The following SETD5 variants were observed in gnomAD, a reference collection of about 807,000 sequenced individuals.
SETD5 encodes SET domain containing 5.
SETD5 carries 44 observed loss-of-function variants against 153.3 expected under a neutral mutation model. The ratio of observed to expected loss-of-function variants is 0.29; its 90% CI spans 0.23 to 0.37. The LOEUF (loss-of-function observed/expected upper bound fraction) is 0.37, where lower values mean the gene tolerates loss of function less well. Among genes scored for constraint, SETD5 ranks in the 10% least tolerant of loss-of-function variants. The pLI is 1.00. For missense variants in SETD5, 1,544 were observed against 1,768.0 expected (o/e 0.87, Z 2.27); for synonymous variants, 716 against 645.2 (o/e 1.11, Z -1.66).
chr3:9,464,758 G>C (rs1314921254), intron 18 of SETD5, 86 bp downstream of exon 18: 1 of 1,590,912 alleles, frequency 6.3e-7, no homozygotes. Context: ...CATTCCAAAT[G>C]TTTCTTTACT....
At chr3:9,418,531 C>G (rs2037887065) in intron 1 of SETD5, among the ~76,000 whole-genome samples, 1 of 152,078 alleles carries the variant, frequency 6.6e-6, no homozygotes, top group Non-Finnish European at 1.5e-5. Context: ...TACAGGACAT[C>G]CAGTCAGTAG....
chr3:9,424,197 G>A (rs1265083653), intron 1 of SETD5, among the ~76,000 whole-genome samples: 2 of 152,112 alleles, frequency 1.3e-5, no homozygotes, highest in East Asian at 3.9e-4. Flanking sequence ...TTTGAAGGAA[G>A]AGGAAAAATT....
chr3:9,400,093 G>C (rs886963739), intron 1 of SETD5, among the ~76,000 whole-genome samples: 1 of 152,202 alleles, frequency 6.6e-6, no homozygotes, highest in Non-Finnish European at 1.5e-5. Context: ...TGCTTTTCTG[G>C]GAATTTTCAC....
At chr3:9,465,935 T>G (rs575414389) in intron 18 of SETD5, among the ~76,000 whole-genome samples, 1 of 152,134 alleles carries the variant, frequency 6.6e-6, no homozygotes, top group Non-Finnish European at 1.5e-5. Flanking sequence ...GGCATAAGAT[T>G]ATAGGAATAG....
chr3:9,414,514 C>A (rs2037122363), intron 1 of SETD5, among the ~76,000 whole-genome samples: 1 of 152,118 alleles, frequency 6.6e-6, no homozygotes, highest in Non-Finnish European at 1.5e-5. Context: ...GAGCAGGGAT[C>A]TTGGTTTCCC....
In SETD5 at chr3:9,464,537, A is replaced by G. The variant is rs1429741185; in HGVS notation, c.2589A>G (p.Ser863=). 1.9e-6 allele frequency: 3 copies of G among 1,613,968 alleles called. No homozygotes were observed. Among genetic ancestry groups the G allele is most frequent in the Non-Finnish European group, 2.5e-6 (3 of 1,179,884 alleles). ...CACCACCCCCTCCCAATTCAGGCTCAAAGAGTCCCCAGCTGGCCACACCTG... is the reference window on the plus strand; with the variant it reads ...CACCACCCCCTCCCAATTCAGGCTCGAAGAGTCCCCAGCTGGCCACACCTG... ...PVTPPPPNSG[S]KSPQLATPGS... is the part of the protein sequence containing the mutation. The change falls in exon 18 of 23, where the codon TCA becomes TCG. Residue 863 remains serine (S), a synonymous_variant. Coordinates refer to ENST00000402198, the MANE Select transcript of SETD5 (RefSeq NM_001080517.3).
intron 17 of SETD5, among the ~76,000 whole-genome samples, chr3:9,455,824 C>G (rs896236472): frequency 1.1e-4 from 16 of 152,122 alleles, no homozygotes; most frequent in Admixed American, 3.3e-4. Context: ...TCTTTGTTAT[C>G]ACATGCCCTG....
intron 1 of SETD5, among the ~76,000 whole-genome samples, chr3:9,418,026 C>G (rs547907699): frequency 1.3e-4 from 20 of 151,102 alleles, no homozygotes; most frequent in African/African-American, 4.6e-4. Context: ...CTGCAGGCTC[C>G]GCCTCCCGGG....
chr3:9,397,822 C>A lies in SETD5; in HGVS notation c.-332C>A. 7.2e-6 allele frequency: 1 copy of A among 139,478 alleles called. No homozygotes were observed. The highest frequency in any genetic ancestry group is 2.3e-4 in the South Asian group (1 of 4,312). The allele number at this position is 139,478 out of a possible 1,614,324, so 8.6% of individuals were successfully genotyped here. ...CCCCCCTCCCCGCCTTTGGCTCGCT[C>A]CGCCTTTCTGCCCCCCACCCCCACC... On this transcript the variant is annotated 5_prime_UTR_variant, in exon 1 of 23. Coordinates refer to ENST00000402198, the MANE Select transcript of SETD5 (RefSeq NM_001080517.3).
At chr3:9,445,606 T>C in intron 12 of SETD5, 51 bp from the exon 13 acceptor site, 2 of 1,500,828 alleles carry the variant, frequency 1.3e-6, no homozygotes, top group Non-Finnish European at 1.8e-6. Flanking sequence ...TAAAACAGAT[T>C]GATTTTTTCT....
chr3:9,455,152 C>CT (rs1385535660), intron 17 of SETD5, among the ~76,000 whole-genome samples: 1 of 133,006 alleles, frequency 7.5e-6, no homozygotes, highest in African/African-American at 2.9e-5. Flanking sequence ...CGTGAATTGC[C>CT]TTTTTTTCTT....
intron 17 of SETD5, among the ~76,000 whole-genome samples, chr3:9,456,576 A>G (rs1445140281): frequency 6.6e-6 from 1 of 152,184 alleles, no homozygotes; most frequent in Non-Finnish European, 1.5e-5. Flanking sequence ...AATAATGTAT[A>G]TAAAGTTCTC....
At chr3:9,441,158 A>G (rs930478445) in intron 8 of SETD5, among the ~76,000 whole-genome samples, 5 of 152,164 alleles carry the variant, frequency 3.3e-5, no homozygotes, top group Non-Finnish European at 5.9e-5. Context: ...ATAGTAAGCT[A>G]TGATTGCACC....
At position 9,477,627 on chromosome 3, in the gene SETD5, C is replaced by T. The variant is rs906913450; in HGVS notation, c.*1536C>T. 1.3e-5 allele frequency: 2 copies of T among 150,440 alleles called. No homozygotes were observed. Among genetic ancestry groups the T allele is most frequent in the Admixed American group, 6.6e-5 (1 of 15,050 alleles). The allele number at this position is 150,440 out of a possible 1,614,324, so 9.3% of individuals were successfully genotyped here. Reference sequence around the variant, plus strand: ...CTTCTCTCTTTGTGTGTGACTGTTACAAAATTTCACTTTTCAAAATCGAAA... The same window carrying T: ...CTTCTCTCTTTGTGTGTGACTGTTATAAAATTTCACTTTTCAAAATCGAAA... On this transcript the variant is annotated 3_prime_UTR_variant, in exon 23 of 23. Transcript: ENST00000402198.
intron 13 of SETD5, 85 bp downstream of exon 13, chr3:9,445,825 T>A (rs1233109922): frequency 1.1e-6 from 1 of 898,724 alleles, no homozygotes; most frequent in Non-Finnish European, 1.6e-6. Flanking sequence ...TGACTTTGTA[T>A]CATCTCATTG....
intron 2 of SETD5, among the ~76,000 whole-genome samples, chr3:9,424,959 C>G (rs2038925005): frequency 6.6e-6 from 1 of 150,964 alleles, no homozygotes; most frequent in Admixed American, 6.6e-5. Flanking sequence ...ATTATGGTTG[C>G]TTTCATCAGA....
intron 18 of SETD5, among the ~76,000 whole-genome samples, chr3:9,467,666 CCT>C (rs2044772169): frequency 6.6e-6 from 1 of 152,088 alleles, no homozygotes; most frequent in South Asian, 2.1e-4. Flanking sequence ...CCCTAGCACC[CCT>C]GAGTCATTGT....
chr3:9,401,258 A>T (rs999642147), intron 1 of SETD5, among the ~76,000 whole-genome samples: 3 of 152,238 alleles, frequency 2.0e-5, no homozygotes, highest in African/African-American at 7.2e-5. Flanking sequence ...ATATGATTTC[A>T]TGTATACTGG....
intron 7 of SETD5, among the ~76,000 whole-genome samples, chr3:9,439,591 A>G (rs2041020914): frequency 6.6e-6 from 1 of 152,170 alleles, no homozygotes. Flanking sequence ...AGTCTTGAAC[A>G]CCGTGGAGGA....
Sources: gnomAD v4.1 joint callset for allele counts (sites outside exome capture counted in the v4.1 genomes callset) on GRCh38, gnomAD v4.1.1 for gene constraint, MANE v1.5 for transcripts, NCBI Gene and HGNC (gene_info 2026-07-23, HGNC 2026-07-21) for gene names.